Variants in AKT3 observed in about 807,000 individuals in gnomAD.
AKT3 encodes the protein RAC-gamma serine/threonine-protein kinase.
A neutral mutation model predicts 65.3 loss-of-function variants in AKT3; 15 were observed. The ratio of observed to expected loss-of-function variants is 0.23; its 90% CI spans 0.15 to 0.35. The LOEUF (loss-of-function observed/expected upper bound fraction) is 0.35, where lower values mean the gene tolerates loss of function less well. Among genes scored for constraint, AKT3 ranks in the 10% least tolerant of loss-of-function variants. The pLI is 1.00. For synonymous variants in AKT3, 206 were observed against 183.8 expected (o/e 1.12, Z -0.98); for missense variants, 243 against 576.5 (o/e 0.42, Z 5.92).
chr1:243,829,886 C>T (rs137962920), intron 2 of AKT3, among the ~76,000 whole-genome samples: 1 of 152,206 alleles, frequency 6.6e-6, no homozygotes, highest in East Asian at 1.9e-4. Flanking sequence ...CACCGAAGGC[C>T]CCTACAGTGA....
chr1:243,588,963 G>C (rs1200142299), intron 8 of AKT3, among the ~76,000 whole-genome samples: 1 of 152,080 alleles, frequency 6.6e-6, no homozygotes, highest in Non-Finnish European at 1.5e-5. Flanking sequence ...TATGGAATGG[G>C]AGAAAATACT....
chr1:243,812,315 C>T (rs527843036), intron 2 of AKT3, among the ~76,000 whole-genome samples: 20 of 152,180 alleles, frequency 1.3e-4, no homozygotes, highest in Non-Finnish European at 2.1e-4. Flanking sequence ...AGAACTCAAA[C>T]AAATTTACAA....
At chr1:243,796,411 A>G (rs1029938377) in intron 2 of AKT3, among the ~76,000 whole-genome samples, 1 of 152,250 alleles carries the variant, frequency 6.6e-6, no homozygotes, top group Non-Finnish European at 1.5e-5. Context: ...TCCACACAGC[A>G]GTCTGGGTGA....
Position 243,503,777 on chromosome 1 carries a change from AAC to A in AKT3, c.*1470_*1471del, listed in dbSNP as rs1669496446. ...TGATAAATGTACCATGATCCCAAGA[AAC>A]ACACCAGGTTCTTAGCCTTCACTGC... On this transcript the variant is annotated 3_prime_UTR_variant, in exon 14 of 14. Coordinates refer to ENST00000673466, the MANE Select transcript of AKT3 (RefSeq NM_005465.7). 1 of 231,344 alleles carries A rather than the reference AAC, an allele frequency of 4.3e-6. No individual in the cohort carries two copies. Among genetic ancestry groups the A allele is most frequent in the Admixed American group, 5.6e-5 (1 of 17,718 alleles). The allele number at this position is 231,344 out of a possible 1,614,324, so 14.3% of individuals were successfully genotyped here.
chr1:243,652,771 C>CAAAAAAAAAGAAA (rs1681464806), intron 4 of AKT3, among the ~76,000 whole-genome samples: 2 of 31,290 alleles, frequency 6.4e-5, no homozygotes, highest in Non-Finnish European at 1.1e-4. Context: ...AAATAGAAAG[C>CAAAAAAAAAGAAA]AAAAAAAAAA....
chr1:243,613,889 T>C (rs1678085146), intron 7 of AKT3, 150 bp from the exon 8 acceptor site: 2 of 460,132 alleles, frequency 4.3e-6, no homozygotes. Flanking sequence ...TTAAAAGTGC[T>C]TAAGAGTTTA....
chr1:243,529,913 G>C (rs1224032672), intron 12 of AKT3, among the ~76,000 whole-genome samples: 2 of 151,584 alleles, frequency 1.3e-5, no homozygotes, highest in Non-Finnish European at 2.9e-5. Context: ...CAACAATATT[G>C]ATTCTTCCCA....
At chr1:243,527,650 T>C (rs1450332089) in intron 12 of AKT3, among the ~76,000 whole-genome samples, 1 of 152,094 alleles carries the variant, frequency 6.6e-6, no homozygotes, top group Non-Finnish European at 1.5e-5. Context: ...TATCCCTACA[T>C]GTGACAGTCA....
chr1:243,639,960 AACT>A (rs769588782), intron 5 of AKT3, among the ~76,000 whole-genome samples: 1 of 152,208 alleles, frequency 6.6e-6, no homozygotes, highest in Non-Finnish European at 1.5e-5. Context: ...AATGCAAGAA[AACT>A]ACATCCCAAT....
chr1:243,574,084 C>A (rs754048492), intron 8 of AKT3, among the ~76,000 whole-genome samples: 1 of 152,062 alleles, frequency 6.6e-6, no homozygotes, highest in East Asian at 1.9e-4. Flanking sequence ...AGCCAATGTA[C>A]CCTTGACTGC....
intron 5 of AKT3, among the ~76,000 whole-genome samples, chr1:243,640,442 G>A (rs72761634): frequency 0.023 from 3,536 of 152,248 alleles, 73 homozygotes; most frequent in Non-Finnish European, 0.04. Flanking sequence ...TTTGAACACA[G>A]AATATGATCA....
At chr1:243,603,629 G>A (rs1366811436) in intron 8 of AKT3, among the ~76,000 whole-genome samples, 1 of 152,080 alleles carries the variant, frequency 6.6e-6, no homozygotes, top group Non-Finnish European at 1.5e-5. Flanking sequence ...CACTGCTCAT[G>A]ATGCCTATTT....
chr1:243,614,236 A>G (rs1678118585), intron 7 of AKT3, among the ~76,000 whole-genome samples: 1 of 152,222 alleles, frequency 6.6e-6, no homozygotes, highest in Non-Finnish European at 1.5e-5. Context: ...TATATAGGTT[A>G]TTAAAAAATA....
chr1:243,587,169 G>A (rs1675871959), intron 8 of AKT3, among the ~76,000 whole-genome samples: 1 of 152,176 alleles, frequency 6.6e-6, no homozygotes, highest in Non-Finnish European at 1.5e-5. Flanking sequence ...TGAAAAATTA[G>A]TATTGTCAGT....
At chr1:243,642,490 T>C (rs980239372) in intron 5 of AKT3, among the ~76,000 whole-genome samples, 38 of 152,268 alleles carry the variant, frequency 2.5e-4, no homozygotes, top group Admixed American at 2.2e-3. Flanking sequence ...TTTGTATTTT[T>C]AGTAGAGACG....
At chr1:243,635,407 AG>A (rs1324787925) in intron 6 of AKT3, among the ~76,000 whole-genome samples, 1 of 151,904 alleles carries the variant, frequency 6.6e-6, no homozygotes, top group Admixed American at 6.6e-5. Flanking sequence ...AGCAAGCAGT[AG>A]GAAAAAAAAA....
chr1:243,613,251 G>A (rs1678038246), intron 8 of AKT3, among the ~76,000 whole-genome samples: 1 of 150,782 alleles, frequency 6.6e-6, no homozygotes, highest in African/African-American at 2.4e-5. Flanking sequence ...AGAAAACTCA[G>A]CCATAATGTG....
rs560168964 is a variant in AKT3 at position 243,715,139 on chromosome 1, T to C, written c.47-19423A>G. On this transcript the variant is annotated intron_variant, in intron 2 of 13. Transcript: ENST00000673466. ...CAGAACTAAGAGTCCCTACTAAAGC[T>C]TGAAGTAATCTGTCTTTAGAAGAAA... Among the ~76,000 whole-genome samples, 7 of 152,190 alleles carry C rather than the reference T, an allele frequency of 4.6e-5. No individual in the cohort carries two copies. In the South Asian group the frequency reaches 1.2e-3, roughly 27 times the overall value.
intron 2 of AKT3, among the ~76,000 whole-genome samples, chr1:243,798,764 A>G (rs1030500100): frequency 1.3e-5 from 2 of 152,098 alleles, no homozygotes; most frequent in African/African-American, 2.4e-5. Context: ...TTTGAAGTCT[A>G]CTTTCTCATT....
Sources: allele counts gnomAD v4.1 joint callset (sites outside exome capture counted in the v4.1 genomes callset), GRCh38; gene constraint gnomAD v4.1.1; transcripts MANE v1.5; gene names NCBI Gene and HGNC (gene_info 2026-07-23, HGNC 2026-07-21).